TTC7A: variants seen among roughly 807,000 people sequenced by gnomAD.
TTC7A encodes the protein tetratricopeptide repeat domain 7A, also known as tetratricopeptide repeat protein 7A.
In TTC7A, 110 loss-of-function variants were observed where a neutral mutation model predicts 103.7. The observed-to-expected ratio is 1.06, with a 90% CI of 0.91 to 1.24. The LOEUF (loss-of-function observed/expected upper bound fraction) is 1.24. TTC7A is among the 50% of genes most tolerant of loss of function. The probability of loss-of-function intolerance (pLI) is 0.00; values close to 1 mark genes in which losing one functional copy is unlikely to be tolerated. For missense variants in TTC7A, 1,340 were observed against 1,116.3 expected (o/e 1.20, Z -2.86); for synonymous variants, 521 against 467.9 (o/e 1.11, Z -1.47).
intron 10 of TTC7A, among the ~76,000 whole-genome samples, chr2:47,010,339 A>C (rs991687008): frequency 1.3e-5 from 2 of 152,208 alleles, no homozygotes; most frequent in Non-Finnish European, 2.9e-5. Flanking sequence ...AACTTTATTT[A>C]CAAAAATAGG....
At chr2:46,965,443 A>G (rs898976751) in intron 3 of TTC7A, among the ~76,000 whole-genome samples, 2 of 152,094 alleles carry the variant, frequency 1.3e-5, no homozygotes, top group Admixed American at 1.3e-4. Flanking sequence ...TGGCTTCCAG[A>G]TGGAGAAGGA....
chr2:47,002,322 AGAG>A (rs1676903410), intron 8 of TTC7A, among the ~76,000 whole-genome samples: 1 of 152,252 alleles, frequency 6.6e-6, no homozygotes, highest in Non-Finnish European at 1.5e-5. Flanking sequence ...GGGAGAAACC[AGAG>A]GAGAACATTC....
chr2:47,025,170 C>G (rs1679753755), intron 14 of TTC7A, among the ~76,000 whole-genome samples: 2 of 152,190 alleles, frequency 1.3e-5, no homozygotes, highest in African/African-American at 4.8e-5. Flanking sequence ...CGGAGGGAAG[C>G]CCGAAGAAGC....
intron 15 of TTC7A, chr2:47,035,471 A>T (rs574439784): frequency 1.3e-5 from 2 of 152,248 alleles, no homozygotes; most frequent in Admixed American, 1.3e-4. Flanking sequence ...CTGAGTTGAC[A>T]TTCAGCATTT....
At chr2:47,011,291 G>A in intron 10 of TTC7A, 40 bp from the exon 11 acceptor site, 2 of 1,582,558 alleles carry the variant, frequency 1.3e-6, no homozygotes, top group South Asian at 1.1e-5. Context: ...TGAGATCCAG[G>A]ACTGTGAGTG....
chr2:46,940,174 C>T (rs1328626023), upstream of TTC7A, among the ~76,000 whole-genome samples: 3 of 152,160 alleles, frequency 2.0e-5, no homozygotes, highest in African/African-American at 7.2e-5. The surrounding 1 kb of genome is among the most constrained non-coding windows in gnomAD (Gnocchi z 4.7). Flanking sequence ...AACCTTCCCT[C>T]GGTTACAGTT....
chr2:46,958,746 GCAC>G (rs1672122208), intron 3 of TTC7A, among the ~76,000 whole-genome samples: 1 of 152,224 alleles, frequency 6.6e-6, no homozygotes, highest in South Asian at 2.1e-4. Context: ...TTGAGACCAT[GCAC>G]GTGGCCACCA....
At chr2:47,041,693 C>T (rs1412005792) in intron 15 of TTC7A, among the ~76,000 whole-genome samples, 1 of 149,574 alleles carries the variant, frequency 6.7e-6, no homozygotes, top group Middle Eastern at 3.2e-3. Flanking sequence ...GCAGAGGTTG[C>T]GGTGAGCCAA....
intron 19 of TTC7A, among the ~76,000 whole-genome samples, chr2:47,061,386 C>T (rs1683770237): frequency 6.6e-6 from 1 of 152,196 alleles, no homozygotes; most frequent in South Asian, 2.1e-4. Context: ...CCCAGACCCT[C>T]CCTGTCTCCT....
intron 2 of TTC7A, among the ~76,000 whole-genome samples, chr2:46,934,894 G>A (rs182619812): frequency 0.01 from 1,447 of 142,834 alleles, 29 homozygotes; most frequent in African/African-American, 0.035. Context: ...TCCGCCTCCC[G>A]GGTTCAAGCG....
chr2:46,922,125 C>T (rs181512215), intron 2 of TTC7A, among the ~76,000 whole-genome samples: 4 of 152,174 alleles, frequency 2.6e-5, no homozygotes, highest in African/African-American at 9.7e-5. Flanking sequence ...TGCCCTTGAG[C>T]AGGCTGGCTA....
chr2:46,929,392 C>T (rs1040693177), intron 2 of TTC7A, among the ~76,000 whole-genome samples: 1 of 151,888 alleles, frequency 6.6e-6, no homozygotes, highest in Non-Finnish European at 1.5e-5. Context: ...GAGGCTGAGG[C>T]AGGATTGCTT....
At position 47,006,661 on chromosome 2, in the gene TTC7A, G is replaced by A. The variant is rs761745008; in HGVS notation, c.1224G>A (p.Lys408=). 3.7e-5 allele frequency: 59 copies of A among 1,614,090 alleles called. No individual in the cohort carries two copies. In the Admixed American group the frequency reaches 5.0e-4, roughly 14 times the overall value. The part of the protein sequence containing the change: ...MLSECLERAM[K]FAFGEFHLWY... ...CCCAGTGCCTGGAGCGAGCCATGAA[G>A]TTTGCGTTTGGAGAATTTCACCTTT... The change falls in exon 10 of 20, where the codon AAG becomes AAA. Residue 408 remains lysine, a synonymous_variant. Transcript: ENST00000319190.
Position 47,073,833 on chromosome 2 carries a change from C to T in TTC7A, c.2487C>T (p.Asn829=), listed in dbSNP as rs761344716. ...LGEVLQAQGQ[N]EAAVDCFLTA... is the part of the protein sequence containing the mutation. ...AGGTGCTGCAGGCCCAGGGCCAGAA[C>T]GAGGCTGCCGTTGACTGCTTCCTCA... Residue 829 remains asparagine (N), a synonymous_variant, in exon 20 of 20, where the codon AAC becomes AAT. Coordinates refer to ENST00000319190, the MANE Select transcript of TTC7A (RefSeq NM_020458.4). 8.1e-6 allele frequency: 13 copies of T among 1,613,564 alleles called. No homozygotes were observed. In the East Asian group the frequency reaches 1.3e-4, roughly 17 times the overall value.
chr2:46,934,361 C>A, intron 2 of TTC7A, among the ~76,000 whole-genome samples: 1 of 152,184 alleles, frequency 6.6e-6, no homozygotes, highest in East Asian at 1.9e-4. Context: ...CGGGTTCAAG[C>A]AATGCTTGTG....
At chr2:46,961,535 C>G (rs1672366490) in intron 3 of TTC7A, among the ~76,000 whole-genome samples, 1 of 150,418 alleles carries the variant, frequency 6.6e-6, no homozygotes, top group Non-Finnish European at 1.5e-5. Context: ...CGAGATCGCA[C>G]CACTGCACTC....
In TTC7A at chr2:46,941,917, T is replaced by G; in HGVS notation, c.184+192T>G. The G allele has an allele frequency of 2.8e-6, 2 of 703,474 alleles. No homozygotes were observed. Among genetic ancestry groups the G allele is most frequent in the Non-Finnish European group, 4.7e-6 (2 of 423,900 alleles). The allele number at this position is 703,474 out of a possible 1,614,324, so 43.6% of individuals were successfully genotyped here. ...GAAAAATCACATGTGGTTTGGGGGC[T>G]TGGAGGGAAGAGAAACGGCTTTTGC... On this transcript the variant is annotated intron_variant, in intron 1 of 19. Coordinates refer to ENST00000319190, the MANE Select transcript of TTC7A (RefSeq NM_020458.4). This position sits in a 1 kb window ranked among gnomAD's most constrained non-coding sequence, Gnocchi z 4.2.
chr2:46,935,371 A>G (rs1178456416), intron 2 of TTC7A, among the ~76,000 whole-genome samples: 1 of 152,226 alleles, frequency 6.6e-6, no homozygotes, highest in Non-Finnish European at 1.5e-5. Flanking sequence ...TCATTGGAAG[A>G]GCTGCTTTAA....
At chr2:47,023,209 T>A (rs1036578347) in intron 12 of TTC7A, among the ~76,000 whole-genome samples, 199 bp from the exon 13 acceptor site, 5 of 152,198 alleles carry the variant, frequency 3.3e-5, no homozygotes, top group Non-Finnish European at 5.9e-5. Flanking sequence ...GAGAAGGCAA[T>A]GCAGTAGAAG....
Sources: gnomAD v4.1 joint callset for allele counts (sites outside exome capture counted in the v4.1 genomes callset) on GRCh38, gnomAD v4.1.1 for gene constraint, Gnocchi (gnomAD v3.1) non-coding constraint, MANE v1.5 for transcripts, NCBI Gene and HGNC (gene_info 2026-07-23, HGNC 2026-07-21) for gene names.